ASIC2: variants seen among roughly 807,000 people sequenced by gnomAD.
ASIC2 encodes the protein acid-sensing ion channel 2.
In ASIC2, 25 loss-of-function variants were observed where a neutral mutation model predicts 57.3. The observed-to-expected ratio is 0.44, with a 90% CI of 0.32 to 0.61. The LOEUF (loss-of-function observed/expected upper bound fraction) is 0.61, where lower values mean the gene tolerates loss of function less well. Among genes scored for constraint, ASIC2 ranks in the 20% least tolerant of loss-of-function variants. ASIC2 has a pLI of 0.06. For missense variants in ASIC2, 641 were observed against 738.1 expected, an observed-to-expected ratio of 0.87 and a Z score of 1.52; for synonymous variants, 319 against 307.5, an observed-to-expected ratio of 1.04 and a Z score of -0.39.
chr17:33,828,213 A>G (rs1468490670), intron 1 of ASIC2: 3 of 152,220 alleles, frequency 2.0e-5, no homozygotes, highest in Admixed American at 2.0e-4. Flanking sequence ...TACCCAAAGG[A>G]TTATAAATCA....
At chr17:33,638,688 G>T (rs1906453693) in intron 1 of ASIC2, among the ~76,000 whole-genome samples, 1 of 152,160 alleles carries the variant, frequency 6.6e-6, no homozygotes, top group Non-Finnish European at 1.5e-5. Flanking sequence ...GGGTATAGCA[G>T]CTCCTGCCAG....
intron 1 of ASIC2, among the ~76,000 whole-genome samples, chr17:34,046,468 T>C (rs560267573): frequency 6.6e-6 from 1 of 152,358 alleles, no homozygotes; most frequent in African/African-American, 2.4e-5. Context: ...TTTCATGGGA[T>C]ATGTTGTCAC....
chr17:33,597,990 A>C (rs1371085745), intron 1 of ASIC2, among the ~76,000 whole-genome samples: 1 of 152,158 alleles, frequency 6.6e-6, no homozygotes, highest in Admixed American at 6.5e-5. Flanking sequence ...TATCTATTTT[A>C]TGTCCCATTA....
intron 1 of ASIC2, among the ~76,000 whole-genome samples, chr17:33,518,477 A>G (rs1447774426): frequency 5.9e-5 from 9 of 152,164 alleles, no homozygotes; most frequent in Non-Finnish European, 1.2e-4. Flanking sequence ...CACCATGAGC[A>G]CTAAGCTCCA....
At chr17:33,521,992 G>T (rs1471760643) in intron 1 of ASIC2, among the ~76,000 whole-genome samples, 1 of 152,186 alleles carries the variant, frequency 6.6e-6, no homozygotes, top group African/African-American at 2.4e-5. Flanking sequence ...GCCCTCTGCT[G>T]GGCAGCCGCT....
At chr17:33,732,064 T>C (rs1909759568) in intron 1 of ASIC2, among the ~76,000 whole-genome samples, 1 of 152,224 alleles carries the variant, frequency 6.6e-6, no homozygotes, top group East Asian at 1.9e-4. Context: ...TTTGGCCATC[T>C]CCACCAAAAT....
intron 1 of ASIC2, among the ~76,000 whole-genome samples, chr17:33,154,609 G>A (rs1904926450): frequency 6.6e-6 from 1 of 152,160 alleles, no homozygotes; most frequent in Non-Finnish European, 1.5e-5. Flanking sequence ...TAGGCCTACT[G>A]AGTCCAATGC....
chr17:33,329,950 C>A (rs141792605), intron 1 of ASIC2, among the ~76,000 whole-genome samples: 2 of 152,260 alleles, frequency 1.3e-5, no homozygotes, highest in South Asian at 2.1e-4. Context: ...CCTCTCACCC[C>A]CTATGGTTTA....
intron 2 of ASIC2, among the ~76,000 whole-genome samples, chr17:33,109,918 C>G (rs2092249951): frequency 6.6e-6 from 1 of 152,142 alleles, no homozygotes; most frequent in African/African-American, 2.4e-5. Flanking sequence ...GGCTTTGAGG[C>G]AGAACACAGA....
chr17:33,035,145 A>T (rs1309390528), intron 3 of ASIC2, among the ~76,000 whole-genome samples: 1 of 152,026 alleles, frequency 6.6e-6, no homozygotes, highest in Non-Finnish European at 1.5e-5. Flanking sequence ...AGATGGTGTG[A>T]TTTTCAGTTC....
chr17:34,100,890 G>A (rs973639341), intron 1 of ASIC2, among the ~76,000 whole-genome samples: 1 of 152,152 alleles, frequency 6.6e-6, no homozygotes, highest in African/African-American at 2.4e-5. Context: ...TGAAATATAA[G>A]GGCTATGGGG....
intron 1 of ASIC2, among the ~76,000 whole-genome samples, chr17:34,051,276 T>A (rs1908546217): frequency 6.6e-6 from 1 of 152,196 alleles, no homozygotes; most frequent in Non-Finnish European, 1.5e-5. Flanking sequence ...AATCCAAATG[T>A]TACCAGTGCC....
chr17:33,411,705 A>T (rs1504579), intron 1 of ASIC2, among the ~76,000 whole-genome samples: 111,847 of 152,144 alleles, frequency 0.74, 41,301 homozygotes, highest in East Asian at 0.95. Context: ...TGGCATTTAC[A>T]GAGTCAGGCT....
intron 1 of ASIC2, among the ~76,000 whole-genome samples, chr17:33,814,523 A>G (rs1253741537): frequency 6.6e-6 from 1 of 152,224 alleles, no homozygotes; most frequent in Non-Finnish European, 1.5e-5. Context: ...ATGTTGCCAT[A>G]AAATAATGTG....
At chr17:33,538,134 C>T (rs1915294184) in intron 1 of ASIC2, among the ~76,000 whole-genome samples, 1 of 152,154 alleles carries the variant, frequency 6.6e-6, no homozygotes, top group Non-Finnish European at 1.5e-5. Flanking sequence ...CTGCAAATTT[C>T]CATACTCTTT....
intron 1 of ASIC2, among the ~76,000 whole-genome samples, chr17:34,075,069 G>A (rs1042164766): frequency 3.3e-5 from 5 of 152,180 alleles, no homozygotes; most frequent in African/African-American, 7.2e-5. Context: ...ACAGGCGTGA[G>A]CCACCGCGCC....
chr17:33,478,160 C>T (rs74743793), intron 1 of ASIC2, among the ~76,000 whole-genome samples: 25,814 of 152,138 alleles, frequency 0.17, 2,428 homozygotes, highest in African/African-American at 0.25. Flanking sequence ...ATGACAGCAC[C>T]AATGGCGGAG....
Position 33,481,254 on chromosome 17 carries a change from C to G in ASIC2, c.556-369187G>C, listed in dbSNP as rs147706424. 5.9e-5 allele frequency among the ~76,000 whole-genome samples: 9 copies of G among 152,312 alleles called. No individual in the cohort carries two copies. In the East Asian group the frequency reaches 1.7e-3, roughly 29 times the overall value. ...CTGTTTGAGGTTACCCTGGCCATCTCTTTTTCTCACGCGTGCTTACTCTTC... is the reference window on the plus strand; with the variant it reads ...CTGTTTGAGGTTACCCTGGCCATCTGTTTTTCTCACGCGTGCTTACTCTTC... On this transcript the variant is annotated intron_variant, in intron 1 of 9. Coordinates refer to the ASIC2 transcript ENST00000359872.
chr17:33,199,168 T>C (rs1165758991), intron 1 of ASIC2, among the ~76,000 whole-genome samples: 3 of 152,208 alleles, frequency 2.0e-5, no homozygotes, highest in African/African-American at 4.8e-5. Context: ...CATCAAACAT[T>C]TATTAAGGAC....
Sources: allele counts gnomAD v4.1 joint callset (sites outside exome capture counted in the v4.1 genomes callset), GRCh38; gene constraint gnomAD v4.1.1; transcripts MANE v1.5; gene names NCBI Gene and HGNC (gene_info 2026-07-23, HGNC 2026-07-21).